KDM1B: variants seen among roughly 807,000 people sequenced by gnomAD.
KDM1B encodes the protein lysine demethylase 1B, also known as lysine-specific histone demethylase 2.
Under a neutral mutation model 107.4 loss-of-function variants are expected in KDM1B, and 63 were observed. That is an observed-to-expected ratio of 0.59 (90% CI 0.48 to 0.72). The LOEUF (loss-of-function observed/expected upper bound fraction) is 0.72. Ranked by LOEUF, KDM1B falls within the 30% of genes least tolerant of loss-of-function variation. The pLI is 0.00. For missense variants in KDM1B, 749 were observed against 1,020.8 expected (o/e 0.73, Z 3.63); for synonymous variants, 363 against 363.9 (o/e 1.00, Z 0.03).
intron 7 of KDM1B, among the ~76,000 whole-genome samples, chr6:18,176,965 G>GT (rs968806123): frequency 4.6e-5 from 7 of 152,118 alleles, no homozygotes; most frequent in African/African-American, 1.7e-4. Context: ...CCTGGTTTTG[G>GT]TATTAGGGTG....
chr6:18,160,013 T>TC (rs1784871816), intron 3 of KDM1B, 31 bp downstream of exon 3: 1 of 1,410,614 alleles, frequency 7.1e-7, no homozygotes. Context: ...CAACAAGCCT[T>TC]TTTTGAGCAT....
intron 6 of KDM1B, among the ~76,000 whole-genome samples, chr6:18,168,594 C>T (rs939743462): frequency 5.9e-5 from 9 of 152,146 alleles, no homozygotes; most frequent in Admixed American, 2.6e-4. Context: ...ATTTGTTTGA[C>T]TACCTGCTTG....
intron 7 of KDM1B, among the ~76,000 whole-genome samples, chr6:18,182,620 C>T (rs767762227): frequency 1.3e-5 from 2 of 152,062 alleles, no homozygotes; most frequent in Non-Finnish European, 2.9e-5. Context: ...CCCAGTGCAG[C>T]CTCAAACTCC....
Position 18,212,994 on chromosome 6 carries a change from C to T in KDM1B, c.1983+390C>T, listed in dbSNP as rs1181605020. On this transcript the variant is annotated intron_variant, in intron 18 of 21. Transcript: ENST00000650836. The surrounding 1 kb of genome is among the most constrained non-coding windows in gnomAD (Gnocchi z 5.2). ...GTAGCAGAATGGGCCAGTGCTGCAG[C>T]AGATTCTGACAGACCTATGAGTAGT... is the stretch of plus-strand genomic sequence containing the variant. 6.6e-6 allele frequency among the ~76,000 whole-genome samples: 1 copy of T among 152,166 alleles called. No individual in the cohort carries two copies. The highest frequency in any genetic ancestry group is 1.5e-5 in the Non-Finnish European group (1 of 68,042).
Position 18,162,477 on chromosome 6 carries a change from C to A in KDM1B, c.216-358C>A, listed in dbSNP as rs535760874. Among the ~76,000 whole-genome samples the A allele has an allele frequency of 2.6e-5, 4 of 152,140 alleles. No homozygotes were observed. Among genetic ancestry groups the A allele is most frequent in the Admixed American group, 6.6e-5 (1 of 15,264 alleles). On this transcript the variant is annotated intron_variant, in intron 4 of 21. Transcript: ENST00000650836. This position sits in a 1 kb window ranked among gnomAD's most constrained non-coding sequence, Gnocchi z 4.1. Reference sequence around the variant, plus strand: ...GTTCAGATTTCAGCTGACCAGATTCCCTCGCTGTTCAGTACTGGGCCCCAC... The same window carrying A: ...GTTCAGATTTCAGCTGACCAGATTCACTCGCTGTTCAGTACTGGGCCCCAC...
At chr6:18,194,113 G>T (rs1787483537) in intron 10 of KDM1B, among the ~76,000 whole-genome samples, 1 of 151,926 alleles carries the variant, frequency 6.6e-6, no homozygotes, top group African/African-American at 2.4e-5. Context: ...CTGACCTCAA[G>T]TGATCCACCT....
Position 18,212,549 on chromosome 6 carries a change from T to C in KDM1B, c.1928T>C (p.Leu643Ser). ...GGTGCCATTCAGTTTAATCCACCGT[T>C]GTCAGAGAAGAAGATGAAGGCTATC... ...QKGAIQFNPP[L>S]SEKKMKAINS... Residue 643 changes from leucine to serine, a missense_variant, in exon 18 of 22, where the codon TTG (leucine) becomes TCG (serine). Physicochemically the swap from Leu to Ser is moderately radical, Grantham distance 145 (BLOSUM62 -2). Transcript: ENST00000650836. The surrounding 1 kb of genome is among the most constrained non-coding windows in gnomAD (Gnocchi z 5.2). 6.2e-7 allele frequency: 1 copy of C among 1,614,208 alleles called. No individual in the cohort carries two copies. Among genetic ancestry groups the C allele is most frequent in the Non-Finnish European group, 8.5e-7 (1 of 1,180,016 alleles).
rs214586 is a variant in KDM1B, at chr6:18,213,406, C to T, written c.1984-250C>T. Among the ~76,000 whole-genome samples the T allele has an allele frequency of 0.12, 18,431 of 149,198 alleles. 1,410 individuals carry two copies. Among genetic ancestry groups the T allele is most frequent in the South Asian group, 0.23 (1,089 of 4,700 alleles). On this transcript the variant is annotated intron_variant, in intron 18 of 21. Coordinates refer to ENST00000650836, the MANE Select transcript of KDM1B (RefSeq NM_001364614.2). This position sits in a 1 kb window ranked among gnomAD's most constrained non-coding sequence, Gnocchi z 5.9. ...AGCCAAGATCGCTCCATTGCACTCC[C>T]AGCTGGGCAACAAGAGCGAAACTCC...
intron 3 of KDM1B, among the ~76,000 whole-genome samples, chr6:18,161,024 G>A (rs1480275337): frequency 1.3e-5 from 2 of 151,454 alleles, no homozygotes; most frequent in African/African-American, 2.4e-5. Flanking sequence ...AAAGTGCTGG[G>A]GATTACAGGC....
intron 7 of KDM1B, among the ~76,000 whole-genome samples, chr6:18,183,836 G>T (rs1786647948): frequency 6.6e-6 from 1 of 151,932 alleles, no homozygotes; most frequent in Admixed American, 6.6e-5. Context: ...TCGTGTTCAT[G>T]AATATAAGGG....
At chr6:18,199,029 A>AG (rs1405740224) in intron 12 of KDM1B, among the ~76,000 whole-genome samples, 5 of 110,332 alleles carry the variant, frequency 4.5e-5, no homozygotes, top group African/African-American at 1.4e-4. Context: ...AAAAAAAAAA[A>AG]AAAAGAAAAA....
At chr6:18,157,882 G>A (rs1434994545) in intron 2 of KDM1B, among the ~76,000 whole-genome samples, 2 of 136,902 alleles carry the variant, frequency 1.5e-5, no homozygotes, top group Non-Finnish European at 3.0e-5. Context: ...GTGTGATCTC[G>A]GCTCACTGCA....
At chr6:18,216,119 G>T (rs899828313) in intron 20 of KDM1B, among the ~76,000 whole-genome samples, 2 of 151,946 alleles carry the variant, frequency 1.3e-5, no homozygotes, top group African/African-American at 2.4e-5. Flanking sequence ...TCACTCTTTC[G>T]CCCAGGCTGG....
At chr6:18,208,070 G>A in intron 16 of KDM1B, 62 bp from the exon 17 acceptor site, 1 of 1,209,478 alleles carries the variant, frequency 8.3e-7, no homozygotes, top group South Asian at 1.2e-5. Flanking sequence ...ATGAGAATCG[G>A]AAAGGATCCT....
chr6:18,185,702 G>A lies in KDM1B; in HGVS notation c.535-70G>A, dbSNP rs1460861332. 2.3e-6 allele frequency: 3 copies of A among 1,295,432 alleles called. No homozygotes were observed. The Admixed American group carries it at 5.1e-5, about 22-fold the overall frequency. 80.2% of individuals were successfully genotyped at this position (1,295,432 alleles called of 1,614,324 possible). On this transcript the variant is annotated intron_variant, in intron 7 of 21. Coordinates refer to ENST00000650836, the MANE Select transcript of KDM1B (RefSeq NM_001364614.2). The stretch of plus-strand genomic sequence containing the variant: ...GATAGGTGAAAAGAGATATCTTATT[G>A]AAGATAAATGGATACCTGAGACTAT...
chr6:18,169,920 A>AT (rs1380032230), intron 6 of KDM1B, among the ~76,000 whole-genome samples: 4 of 151,696 alleles, frequency 2.6e-5, no homozygotes, highest in Non-Finnish European at 5.9e-5. Context: ...TTATTTATTT[A>AT]TTTTTTTGAG....
At chr6:18,195,970 G>A (rs2150955576) in intron 10 of KDM1B, among the ~76,000 whole-genome samples, 1 of 151,956 alleles carries the variant, frequency 6.6e-6, no homozygotes, top group East Asian at 1.9e-4. Flanking sequence ...TTTATCCTTT[G>A]ACCAACATCT....
intron 15 of KDM1B, among the ~76,000 whole-genome samples, chr6:18,206,199 G>A (rs1178390826): frequency 6.8e-6 from 1 of 148,112 alleles, no homozygotes; most frequent in Non-Finnish European, 1.5e-5. Flanking sequence ...GATAATGCTT[G>A]TGAAAGAAGC....
In KDM1B at chr6:18,189,506, C is replaced by T. The variant is rs555553007; in HGVS notation, c.784+1504C>T. ...ATAGGTACAAAGAAATTTCTTTTCA[C>T]ATTGCTTGTAATAGTGAAGTAATTG... On this transcript the variant is annotated intron_variant, in intron 9 of 21. Transcript: ENST00000650836. Among the ~76,000 whole-genome samples the T allele has an allele frequency of 4.6e-5, 7 of 152,286 alleles. No homozygotes were observed. The East Asian group carries it at 1.2e-3, about 25-fold the overall frequency.
Sources: gnomAD v4.1 joint callset for allele counts (sites outside exome capture counted in the v4.1 genomes callset) on GRCh38, gnomAD v4.1.1 for gene constraint, Gnocchi (gnomAD v3.1) non-coding constraint, MANE v1.5 for transcripts, NCBI Gene and HGNC (gene_info 2026-07-23, HGNC 2026-07-21) for gene names.